HDAC4: variants seen among roughly 807,000 people sequenced by gnomAD.
HDAC4 encodes the protein histone deacetylase A.
HDAC4 carries 16 observed loss-of-function variants against 135.1 expected under a neutral mutation model. That is an observed-to-expected ratio of 0.12 (90% CI 0.08 to 0.18). The LOEUF (loss-of-function observed/expected upper bound fraction) is 0.18. Ranked by LOEUF, HDAC4 falls within the 10% of genes least tolerant of loss-of-function variation. HDAC4 has a pLI of 1.00. For synonymous variants in HDAC4, 685 were observed against 653.4 expected (o/e 1.05, Z -0.74); for missense variants, 1,143 against 1,511.8 (o/e 0.76, Z 4.05).
chr2:239,332,266 A>G (rs1691636401), intron 2 of HDAC4, among the ~76,000 whole-genome samples: 1 of 152,248 alleles, frequency 6.6e-6, no homozygotes, highest in African/African-American at 2.4e-5. Flanking sequence ...ATGGACATGT[A>G]GAACTGGCAA....
intron 2 of HDAC4, among the ~76,000 whole-genome samples, chr2:239,345,591 TAACA>T (rs1692564602): frequency 6.8e-6 from 1 of 147,560 alleles, no homozygotes; most frequent in African/African-American, 2.5e-5. Flanking sequence ...ACGGACACCC[TAACA>T]CACACATACA....
At chr2:239,371,880 T>G (rs574810881) in intron 1 of HDAC4, among the ~76,000 whole-genome samples, 1 of 152,230 alleles carries the variant, frequency 6.6e-6, no homozygotes, top group African/African-American at 2.4e-5. Context: ...AGCACAGGCA[T>G]GGACCCAAAA....
At chr2:239,247,842 A>T (rs1177014442) in intron 2 of HDAC4, among the ~76,000 whole-genome samples, 9 of 152,128 alleles carry the variant, frequency 5.9e-5, no homozygotes, top group Admixed American at 4.6e-4. Flanking sequence ...CGAGGTGGAG[A>T]ACGGAGGGCG....
intron 24 of HDAC4, among the ~76,000 whole-genome samples, chr2:239,064,160 C>T (rs932221157): frequency 1.3e-5 from 2 of 152,378 alleles, no homozygotes; most frequent in Non-Finnish European, 1.5e-5. Context: ...GAAAAGCTCC[C>T]CTTGCTGTGC....
intron 2 of HDAC4, among the ~76,000 whole-genome samples, chr2:239,247,047 T>C (rs2048507653): frequency 6.6e-6 from 1 of 152,236 alleles, no homozygotes; most frequent in African/African-American, 2.4e-5. Flanking sequence ...CCACAGCTAA[T>C]GTAAAATAGT....
chr2:239,275,786 C>A (rs2050323606), intron 2 of HDAC4, among the ~76,000 whole-genome samples: 1 of 152,128 alleles, frequency 6.6e-6, no homozygotes, highest in South Asian at 2.1e-4. Context: ...AACGCCAGGA[C>A]CCCTGCCTTC....
At chr2:239,226,665 T>TGGC (rs1553564414) in intron 3 of HDAC4, among the ~76,000 whole-genome samples, 77 of 151,620 alleles carry the variant, frequency 5.1e-4, no homozygotes, top group Non-Finnish European at 8.7e-4. Flanking sequence ...TAACATGTAA[T>TGGC]GGGGGGGGTG....
intron 2 of HDAC4, among the ~76,000 whole-genome samples, chr2:239,238,390 A>G (rs2048004931): frequency 6.6e-6 from 1 of 152,106 alleles, no homozygotes; most frequent in Admixed American, 6.5e-5. Context: ...TGAAGATCTC[A>G]ATGTAGCTGC....
chr2:239,167,424 TG>T lies in HDAC4; in HGVS notation c.491-3502del, dbSNP rs972241179. Among the ~76,000 whole-genome samples the T allele has an allele frequency of 6.6e-6, 1 of 152,028 alleles. No individual in the cohort carries two copies. The highest frequency in any genetic ancestry group is 1.5e-5 in the Non-Finnish European group (1 of 67,982). ...TGACTGGCGTTCATGCCCCATGCAG[TG>T]GGGGGCAGACATGACTGGGGTTCAC... On this transcript the variant is annotated intron_variant, in intron 5 of 26. Coordinates refer to ENST00000543185, the MANE Select transcript of HDAC4 (RefSeq NM_001378414.1). The surrounding 1 kb of genome is among the most constrained non-coding windows in gnomAD (Gnocchi z 4.1).
intron 3 of HDAC4, among the ~76,000 whole-genome samples, chr2:239,201,067 T>G (rs1268652753): frequency 6.6e-6 from 1 of 152,144 alleles, no homozygotes; most frequent in African/African-American, 2.4e-5. Flanking sequence ...TTAGTGCTGA[T>G]GTATTAATTC....
Position 239,306,344 on chromosome 2 carries a change from T to A in HDAC4, c.22+46334A>T, listed in dbSNP as rs1354751118. Among the ~76,000 whole-genome samples, 1 of 152,084 alleles carries A rather than the reference T, an allele frequency of 6.6e-6. No homozygotes were observed. The highest frequency in any genetic ancestry group is 2.4e-5 in the African/African-American group (1 of 41,416). On this transcript the variant is annotated intron_variant, in intron 2 of 26. Transcript: ENST00000543185. This position sits in a 1 kb window ranked among gnomAD's most constrained non-coding sequence, Gnocchi z 4.5. The stretch of plus-strand genomic sequence containing the variant: ...CTCCCACCCAGGTCCAGCAAGTCAG[T>A]GACTACAACAGAGGACACAGCCTTC...
intron 2 of HDAC4, among the ~76,000 whole-genome samples, chr2:239,260,810 G>A (rs1267770749): frequency 3.9e-5 from 6 of 152,194 alleles, no homozygotes; most frequent in Admixed American, 6.5e-5. Flanking sequence ...GCAGGAAGGC[G>A]GCTCACATTG....
chr2:239,362,974 G>A (rs1693954036), intron 1 of HDAC4, among the ~76,000 whole-genome samples: 1 of 152,106 alleles, frequency 6.6e-6, no homozygotes, highest in Admixed American at 6.5e-5. Flanking sequence ...GGTCAATAAT[G>A]TACCAAAATC....
Position 239,383,307 on chromosome 2 carries a change from G to A in HDAC4, c.-220+17671C>T, listed in dbSNP as rs78124951. On this transcript the variant is annotated intron_variant, in intron 1 of 26. Transcript: ENST00000543185. Reference sequence around the variant, plus strand: ...TGAGCCCTGCACCTTCCCGTAAAGTGCATAACCACTGAGCAGATCCTCGCT... The same window carrying A: ...TGAGCCCTGCACCTTCCCGTAAAGTACATAACCACTGAGCAGATCCTCGCT... Among the ~76,000 whole-genome samples the A allele has an allele frequency of 9.8e-3, 1,499 of 152,318 alleles. 24 individuals carry two copies. Among genetic ancestry groups the A allele is most frequent in the African/African-American group, 0.035 (1,450 of 41,574 alleles).
intron 1 of HDAC4, among the ~76,000 whole-genome samples, chr2:239,363,177 A>G (rs1693966889): frequency 6.6e-6 from 1 of 152,228 alleles, no homozygotes; most frequent in African/African-American, 2.4e-5. Context: ...GGAGGAATAT[A>G]CCATGTGCAT....
chr2:239,066,850 C>A lies in HDAC4; in HGVS notation c.2875G>T (p.Gly959Trp). ...GGYNLSARCF[G>W]YLTKQLMGLA... ...CCCATCAGCTGCTTCGTCAGGTACC[C>A]GAAGCCTGCAACGGGAAACGGGAGA... Residue 959 changes from glycine (G) to tryptophan (W), a missense_variant, in exon 24 of 27, where the codon GGG becomes TGG. By Grantham distance (184) the Gly-to-Trp change is radical. This residue lies in a region of HDAC4 where 189 missense variants were observed against 317.6 expected (regional missense o/e 0.60). Coordinates refer to ENST00000543185, the MANE Select transcript of HDAC4 (RefSeq NM_001378414.1). 1 of 1,613,106 alleles carries A rather than the reference C, an allele frequency of 6.2e-7. No homozygotes were observed. Among genetic ancestry groups the A allele is most frequent in the South Asian group, 1.1e-5 (1 of 91,060 alleles).
At chr2:239,075,305 G>A (rs2034631290) in intron 22 of HDAC4, among the ~76,000 whole-genome samples, 3 of 144,472 alleles carry the variant, frequency 2.1e-5, no homozygotes, top group Non-Finnish European at 4.5e-5. Flanking sequence ...GGCCTCTCAA[G>A]CCATCACTTT....
At chr2:239,172,299 T>G (rs4991655) in intron 5 of HDAC4, among the ~76,000 whole-genome samples, 1 of 136,608 alleles carries the variant, frequency 7.3e-6, no homozygotes, top group South Asian at 2.2e-4. Flanking sequence ...AAAAAATATA[T>G]ATATATATAT....
At chr2:239,321,052 C>A (rs2053290860) in intron 2 of HDAC4, among the ~76,000 whole-genome samples, 1 of 152,110 alleles carries the variant, frequency 6.6e-6, no homozygotes, top group Non-Finnish European at 1.5e-5. Flanking sequence ...CTGTTATTTT[C>A]TTTTCCCCAA....
Sources: allele counts gnomAD v4.1 joint callset (sites outside exome capture counted in the v4.1 genomes callset), GRCh38; gene constraint gnomAD v4.1.1; regional missense constraint gnomAD v4.1.1; non-coding constraint Gnocchi (gnomAD v3.1); transcripts MANE v1.5; gene names NCBI Gene and HGNC (gene_info 2026-07-23, HGNC 2026-07-21).